Variants in TUSC3 observed in about 807,000 individuals in gnomAD.
TUSC3 encodes dolichyl-diphosphooligosaccharide--protein glycosyltransferase subunit TUSC3.
TUSC3 carries 45 observed loss-of-function variants against 44.8 expected under a neutral mutation model. The observed-to-expected ratio is 1.00, with a 90% confidence interval of 0.79 to 1.29. The LOEUF is 1.29. Among genes scored for constraint, TUSC3 ranks in the 50% most tolerant of loss-of-function variants. The pLI is 0.00. For missense variants in TUSC3, 519 were observed against 437.9 expected (o/e 1.19, Z -1.65); for synonymous variants, 212 against 152.9 (o/e 1.39, Z -2.85).
intron 6 of TUSC3, among the ~76,000 whole-genome samples, chr8:15,692,929 G>A (rs529707053): frequency 1.3e-5 from 2 of 152,094 alleles, no homozygotes; most frequent in Non-Finnish European, 2.9e-5. Context: ...TGTCTTTCTT[G>A]ATCTTTGTTG....
At chr8:15,566,600 C>G (rs966554169) in intron 1 of TUSC3, among the ~76,000 whole-genome samples, 2 of 141,662 alleles carry the variant, frequency 1.4e-5, no homozygotes, top group African/African-American at 5.1e-5. Flanking sequence ...ACAGAAGACA[C>G]ATTTTTTTGT....
At chr8:15,467,260 T>C (rs1176022415) in intron 1 of TUSC3, among the ~76,000 whole-genome samples, 2 of 137,030 alleles carry the variant, frequency 1.5e-5, no homozygotes, top group South Asian at 4.6e-4. Flanking sequence ...TGGTATTAAA[T>C]AGGAAAGTTC....
chr8:15,427,258 T>C (rs1307900278), intron 1 of TUSC3, among the ~76,000 whole-genome samples: 1 of 149,444 alleles, frequency 6.7e-6, no homozygotes, highest in African/African-American at 2.5e-5. Context: ...TAGTTTAATA[T>C]AATCCTGTTA....
At chr8:15,768,908 C>A (rs1161064277), downstream of TUSC3, among the ~76,000 whole-genome samples, 1 of 152,106 alleles carries the variant, frequency 6.6e-6, no homozygotes, top group African/African-American at 2.4e-5. Context: ...AACTACAAAC[C>A]ACTGCACAAG....
chr8:15,771,270 A>G (rs190021179), downstream of TUSC3, among the ~76,000 whole-genome samples: 18 of 152,266 alleles, frequency 1.2e-4, no homozygotes, highest in African/African-American at 3.9e-4. Flanking sequence ...AAATGGAAAT[A>G]CTCCTCAAAA....
intron 1 of TUSC3, among the ~76,000 whole-genome samples, chr8:15,434,656 T>C (rs545802552): frequency 2.4e-4 from 36 of 151,954 alleles, no homozygotes; most frequent in African/African-American, 8.2e-4. Flanking sequence ...GCATTAGGTA[T>C]ATCTCCTAAT....
At chr8:15,459,085 T>C (rs890755954) in intron 1 of TUSC3, among the ~76,000 whole-genome samples, 6 of 152,204 alleles carry the variant, frequency 3.9e-5, no homozygotes, top group Non-Finnish European at 8.8e-5. Context: ...TTAAAGTATC[T>C]ATACTCCTAG....
chr8:15,606,606 C>T (rs1426226627), intron 1 of TUSC3, among the ~76,000 whole-genome samples: 3 of 152,058 alleles, frequency 2.0e-5, no homozygotes, highest in Non-Finnish European at 2.9e-5. Context: ...AACTATAATA[C>T]TGTCTTGTTT....
At position 15,577,396 on chromosome 8, in the gene TUSC3, G is replaced by A. The variant is rs1803158823; in HGVS notation, c.138+36828G>A. 1.3e-5 allele frequency among the ~76,000 whole-genome samples: 2 copies of A among 151,740 alleles called. 1 individual carries two copies. The highest frequency in any genetic ancestry group is 2.9e-5 in the Non-Finnish European group (2 of 67,888). On this transcript the variant is annotated intron_variant, in intron 1 of 10. Coordinates refer to ENST00000503731, the MANE Select transcript of TUSC3 (RefSeq NM_006765.4). ...ACATGAAGTCCTTGCCCATGCCTAT[G>A]TCCTGAATGGTAAATGCCTAGGTTT...
Position 15,540,291 on chromosome 8 carries a change from G to A in TUSC3, c.-140G>A, listed in dbSNP as rs932029815. The A allele has an allele frequency of 7.3e-6, 9 of 1,230,038 alleles. No homozygotes were observed. The highest frequency in any genetic ancestry group is 3.2e-5 in the African/African-American group (2 of 62,496). The allele number at this position is 1,230,038 out of a possible 1,614,324, so 76.2% of individuals were successfully genotyped here. On this transcript the variant is annotated 5_prime_UTR_variant, in exon 1 of 11. Transcript: ENST00000503731. ...CTCCTCCTCTGCGTCCTCGGCCGCG[G>A]CCCGGGTCCCTCGCAAAGCCGCTGC...
upstream of TUSC3, among the ~76,000 whole-genome samples, chr8:15,538,554 T>A (rs1174539501): frequency 6.6e-6 from 1 of 152,238 alleles, no homozygotes. Flanking sequence ...TGAAAATCGT[T>A]AACAGTGGAA....
chr8:15,499,641 C>T (rs1800931450), intron 2 of TUSC3, among the ~76,000 whole-genome samples: 1 of 152,068 alleles, frequency 6.6e-6, no homozygotes, highest in African/African-American at 2.4e-5. Flanking sequence ...TTCACTGGTC[C>T]ACGGGGTGCT....
At chr8:15,692,409 T>G (rs10093592) in intron 6 of TUSC3, among the ~76,000 whole-genome samples, 2,062 of 126,206 alleles carry the variant, frequency 0.016, 60 homozygotes, top group African/African-American at 0.059. Flanking sequence ...TGCAATAGTT[T>G]CAGTGGGAAT....
intron 1 of TUSC3, among the ~76,000 whole-genome samples, chr8:15,604,498 CAAG>C (rs1444014831): frequency 1.3e-5 from 2 of 151,550 alleles, no homozygotes; most frequent in Non-Finnish European, 3.0e-5. Context: ...TAGTTATTAA[CAAG>C]AAAATATTTT....
chr8:15,623,529 G>A (rs373652269), intron 2 of TUSC3, among the ~76,000 whole-genome samples: 2 of 151,824 alleles, frequency 1.3e-5, no homozygotes, highest in African/African-American at 4.8e-5. Flanking sequence ...AGGTCACTCA[G>A]TTATAGCTAT....
intron 1 of TUSC3, among the ~76,000 whole-genome samples, chr8:15,619,862 G>A (rs977954417): frequency 6.6e-6 from 1 of 152,144 alleles, no homozygotes; most frequent in African/African-American, 2.4e-5. Flanking sequence ...TTTATGAATA[G>A]ATCAAGGATA....
At chr8:15,659,359 CAAATA>C in intron 3 of TUSC3, 143 bp from the exon 4 acceptor site, 2 of 942,678 alleles carry the variant, frequency 2.1e-6, no homozygotes, top group Admixed American at 2.5e-5. Flanking sequence ...TGAATTAAGA[CAAATA>C]AAAACAGAAA....
At chr8:15,690,668 A>C (rs1441375741) in intron 6 of TUSC3, among the ~76,000 whole-genome samples, 2 of 151,936 alleles carry the variant, frequency 1.3e-5, no homozygotes, top group African/African-American at 4.8e-5. Context: ...TCTTGAGTTG[A>C]TTTTTATGTA....
intron 2 of TUSC3, among the ~76,000 whole-genome samples, chr8:15,494,462 C>G (rs531629250): frequency 2.0e-5 from 3 of 151,910 alleles, no homozygotes; most frequent in East Asian, 3.9e-4. Context: ...GGACTACAGG[C>G]GCATGCCACC....
Sources: gnomAD v4.1 joint callset for allele counts (sites outside exome capture counted in the v4.1 genomes callset) on GRCh38, gnomAD v4.1.1 for gene constraint, MANE v1.5 for transcripts, NCBI Gene and HGNC (gene_info 2026-07-23, HGNC 2026-07-21) for gene names.